JPH2: variants seen among roughly 807,000 people sequenced by gnomAD.
JPH2 encodes junctophilin 2, also known as junctophilin-2.
JPH2 carries 38 observed loss-of-function variants against 55.9 expected under a neutral mutation model. The observed-to-expected ratio is 0.68, with a 90% CI of 0.52 to 0.89. JPH2 has a LOEUF of 0.89. Ranked by LOEUF, JPH2 falls within the 40% of genes least tolerant of loss-of-function variation. JPH2 has a pLI of 0.00. For synonymous variants in JPH2, 480 were observed against 472.4 expected (o/e 1.02, Z -0.21); for missense variants, 964 against 1,037.6 (o/e 0.93, Z 0.97).
At position 44,159,812 on chromosome 20, in the gene JPH2, G is replaced by T. The variant is rs1477670001; in HGVS notation, c.975C>A (p.Gly325=). ...CGTCGGGCAGCGTGGTGCAGCCATA[G>T]CCGTGGCGCAGGTTGTCCAGCCACT... is the stretch of plus-strand genomic sequence containing the variant. ...EGEWLDNLRH[G]YGCTTLPDGH... is the part of the protein sequence containing the mutation. The change falls in exon 2 of 6, where the codon GGC becomes GGA. Residue 325 remains glycine, a synonymous_variant. Coordinates refer to ENST00000372980, the MANE Select transcript of JPH2 (RefSeq NM_020433.5). The surrounding 1 kb of genome is among the most constrained non-coding windows in gnomAD (Gnocchi z 5.7). 6.2e-7 allele frequency: 1 copy of T among 1,613,404 alleles called. No homozygotes were observed. The highest frequency in any genetic ancestry group is 8.5e-7 in the Non-Finnish European group (1 of 1,179,914).
At chr20:44,172,222 C>T (rs896921122) in intron 1 of JPH2, among the ~76,000 whole-genome samples, 9 of 152,082 alleles carry the variant, frequency 5.9e-5, no homozygotes, top group Admixed American at 3.3e-4. Context: ...GTGCTAATAC[C>T]GGGCAGTTTC....
At chr20:44,115,184 C>G (rs147701664) in intron 4 of JPH2, among the ~76,000 whole-genome samples, 30 of 152,280 alleles carry the variant, frequency 2.0e-4, no homozygotes, top group African/African-American at 7.2e-4. Context: ...TCTTCAGTCC[C>G]CCAAAGCCCA....
chr20:44,185,711 ATGGATGGG>A (rs2072831712), intron 1 of JPH2, among the ~76,000 whole-genome samples: 2 of 150,990 alleles, frequency 1.3e-5, no homozygotes, highest in African/African-American at 4.9e-5. Context: ...GGATGGAAAG[ATGGATGGG>A]TGGATGGGCA....
intron 2 of JPH2, among the ~76,000 whole-genome samples, chr20:44,145,869 T>C (rs2072490898): frequency 6.6e-6 from 1 of 152,028 alleles, no homozygotes; most frequent in Non-Finnish European, 1.5e-5. Flanking sequence ...GCCTCAGTTT[T>C]TTCATCTGTA....
chr20:44,161,349 TG>T (rs1461299435), intron 1 of JPH2, among the ~76,000 whole-genome samples: 1 of 152,052 alleles, frequency 6.6e-6, no homozygotes, highest in Non-Finnish European at 1.5e-5. Context: ...AGGCCCTGCA[TG>T]TACACAAGTC....
chr20:44,146,451 G>A (rs866762790), intron 2 of JPH2, among the ~76,000 whole-genome samples: 2 of 152,200 alleles, frequency 1.3e-5, no homozygotes, highest in Admixed American at 6.5e-5. Flanking sequence ...TCGAGAATCC[G>A]GCTCTGACAA....
intron 2 of JPH2, among the ~76,000 whole-genome samples, chr20:44,140,122 C>G (rs1273149363): frequency 6.6e-6 from 1 of 152,138 alleles, no homozygotes; most frequent in Non-Finnish European, 1.5e-5. Flanking sequence ...CTGCCCGCCT[C>G]GGCCTCCCAA....
chr20:44,115,589 T>C, intron 4 of JPH2, 76 bp downstream of exon 4: 2 of 1,569,124 alleles, frequency 1.3e-6, no homozygotes, highest in Non-Finnish European at 1.7e-6. Flanking sequence ...CCAAATCCCC[T>C]GCCCCTGAAT....
chr20:44,136,419 T>C (rs2072413641), intron 2 of JPH2, among the ~76,000 whole-genome samples: 1 of 149,958 alleles, frequency 6.7e-6, no homozygotes, highest in African/African-American at 2.5e-5. Flanking sequence ...AAGAGGATGC[T>C]GAATCCCCTG....
Position 44,110,182 on chromosome 20 carries a change from C to A in JPH2, c.*3336G>T, listed in dbSNP as rs11699409. Among the ~76,000 whole-genome samples the A allele has an allele frequency of 0.11, 16,432 of 151,950 alleles. 1,149 individuals are homozygous for A. The highest frequency in any genetic ancestry group is 0.21 in the African/African-American group (8,552 of 41,372). ...CTTTGCACACCATCCAAAGTGAGTT[C>A]AATACAGCCACCCCTGCCCCCAACT... is the stretch of plus-strand genomic sequence containing the variant. On this transcript the variant is annotated 3_prime_UTR_variant, in exon 6 of 6. Transcript: ENST00000372980.
At chr20:44,147,814 G>A (rs1422183597) in intron 2 of JPH2, among the ~76,000 whole-genome samples, 2 of 152,086 alleles carry the variant, frequency 1.3e-5, no homozygotes, top group Non-Finnish European at 1.5e-5. Context: ...CATACGACTC[G>A]GGTCCAGAAT....
Position 44,159,978 on chromosome 20 carries a change from G to A in JPH2, c.809C>T (p.Ala270Val), listed in dbSNP as rs755176754. Residue 270 changes from alanine (A) to valine (V), a missense_variant, in exon 2 of 6, where the codon GCC (alanine) becomes GTC (valine). Physicochemically the swap from Ala to Val is moderately conservative, Grantham distance 64. Coordinates refer to ENST00000372980, the MANE Select transcript of JPH2 (RefSeq NM_020433.5). The surrounding 1 kb of genome is among the most constrained non-coding windows in gnomAD (Gnocchi z 5.7). ...AASTASLGEA[A>V]EGADEAAPFE... is the part of the protein sequence containing the mutation. Reference sequence around the variant, plus strand: ...GGGTGCGGCCTCGTCGGCGCCCTCGGCGGCCTCTCCCAGGCTGGCGGTGGA... The same window carrying A: ...GGGTGCGGCCTCGTCGGCGCCCTCGACGGCCTCTCCCAGGCTGGCGGTGGA... The A allele has an allele frequency of 6.3e-7, 1 of 1,591,774 alleles. No homozygotes were observed. Among genetic ancestry groups the A allele is most frequent in the Non-Finnish European group, 8.5e-7 (1 of 1,173,448 alleles).
Position 44,106,991 on chromosome 20 carries a change from G to A in JPH2, c.*6527C>T, listed in dbSNP as rs1467271878. Among the ~76,000 whole-genome samples, 1 of 152,140 alleles carries A rather than the reference G, an allele frequency of 6.6e-6. No individual in the cohort carries two copies. The highest frequency in any genetic ancestry group is 2.4e-5 in the African/African-American group (1 of 41,412). On this transcript the variant is annotated 3_prime_UTR_variant, in exon 6 of 6. Transcript: ENST00000372980. ...CTCCCACTGGGTTGGACTTTGTCAG[G>A]CCTGCATCAAGTTAGACTTCTTCCT...
rs2072156681 is a variant in JPH2, at chr20:44,112,889, G to A, written c.*629C>T. ...GGGAAGCTAACTGGACTGGTGGGAG[G>A]AGACAGAGCACTGTGTTCTGGGATA... On this transcript the variant is annotated 3_prime_UTR_variant, in exon 6 of 6. Coordinates refer to ENST00000372980, the MANE Select transcript of JPH2 (RefSeq NM_020433.5). 3 of 152,294 alleles carry A rather than the reference G, an allele frequency of 2.0e-5. No individual in the cohort carries two copies. Among genetic ancestry groups the A allele is most frequent in the Non-Finnish European group, 4.4e-5 (3 of 68,108 alleles). The allele number at this position is 152,294 out of a possible 1,614,324, so 9.4% of individuals were successfully genotyped here.
rs76650565 is a variant in JPH2 at position 44,133,462 on chromosome 20, G to C, written c.1170-14839C>G. Among the ~76,000 whole-genome samples the C allele has an allele frequency of 3.5e-3, 525 of 152,120 alleles. 3 individuals carry two copies. The highest frequency in any genetic ancestry group is 0.012 in the African/African-American group (507 of 41,498). ...GAATAGGGAAACTAGGCCTCCTTTG[G>C]GGGCAGCCACACAGCAGGGAAGCTC... On this transcript the variant is annotated intron_variant, in intron 2 of 5. Transcript: ENST00000372980.
chr20:44,118,730 G>A (rs1332899722), intron 2 of JPH2, 107 bp from the exon 3 acceptor site: 4 of 870,836 alleles, frequency 4.6e-6, no homozygotes, highest in South Asian at 1.3e-5. Context: ...ATTCTTTCAC[G>A]CAGGCAGTCA....
intron 1 of JPH2, among the ~76,000 whole-genome samples, chr20:44,161,803 T>G (rs1469691085): frequency 1.3e-5 from 2 of 152,118 alleles, no homozygotes; most frequent in South Asian, 2.1e-4. Flanking sequence ...CCTTCTCCTA[T>G]TCTCTCTAGA....
At chr20:44,153,115 A>G (rs138065076) in intron 2 of JPH2, among the ~76,000 whole-genome samples, 48 of 152,326 alleles carry the variant, frequency 3.2e-4, no homozygotes, top group African/African-American at 1.1e-3. Context: ...AACATTTGGG[A>G]AGCACAGTTG....
At chr20:44,136,412 A>C (rs2145859547) in intron 2 of JPH2, among the ~76,000 whole-genome samples, 1 of 151,548 alleles carries the variant, frequency 6.6e-6, no homozygotes, top group Admixed American at 6.6e-5. Context: ...ACCCAGCAAG[A>C]GGATGCTGAA....
Sources: gnomAD v4.1 joint callset for allele counts (sites outside exome capture counted in the v4.1 genomes callset) on GRCh38, gnomAD v4.1.1 for gene constraint, Gnocchi (gnomAD v3.1) non-coding constraint, MANE v1.5 for transcripts, NCBI Gene and HGNC (gene_info 2026-07-23, HGNC 2026-07-21) for gene names.